Variants in APC observed in about 807,000 individuals in gnomAD.
The protein encoded by APC is adenomatous polyposis coli protein.
A neutral mutation model predicts 247.0 loss-of-function variants in APC; 72 were observed. The observed-to-expected ratio is 0.29, with a 90% CI of 0.24 to 0.35. APC has a LOEUF of 0.35. Among genes scored for constraint, APC ranks in the 10% least tolerant of loss-of-function variants. APC has a pLI of 1.00. For missense variants in APC, 3,400 were observed against 3,360.7 expected, an observed-to-expected ratio of 1.01 and a Z score of -0.29; for synonymous variants, 1,254 against 1,162.5, an observed-to-expected ratio of 1.08 and a Z score of -1.60.
chr5:112,710,945 C>T (rs539706850), intron 1 of APC, among the ~76,000 whole-genome samples: 1 of 152,310 alleles, frequency 6.6e-6, no homozygotes, highest in East Asian at 1.9e-4. Flanking sequence ...GCTTTGCACT[C>T]GTACTGCCTT....
chr5:112,758,101 G>A (rs895144018), intron 2 of APC, among the ~76,000 whole-genome samples: 4 of 152,076 alleles, frequency 2.6e-5, no homozygotes, highest in Admixed American at 2.6e-4. Flanking sequence ...ATTGATGTGG[G>A]ATATGAAGGT....
At chr5:112,769,049 T>TC (rs1756712075) in intron 4 of APC, among the ~76,000 whole-genome samples, 2 of 118,404 alleles carry the variant, frequency 1.7e-5, no homozygotes, top group African/African-American at 6.2e-5. Flanking sequence ...TTTTTTTTCT[T>TC]CTTTTTTTTT....
chr5:112,812,159 G>C (rs1762050800), intron 8 of APC, among the ~76,000 whole-genome samples: 1 of 152,134 alleles, frequency 6.6e-6, no homozygotes, highest in Non-Finnish European at 1.5e-5. Context: ...TTATTCACTA[G>C]AAGCAAGTCA....
intron 7 of APC, among the ~76,000 whole-genome samples, chr5:112,793,170 G>C (rs1759833365): frequency 6.6e-6 from 1 of 152,104 alleles, no homozygotes; most frequent in East Asian, 1.9e-4. Context: ...TGTACAGCTA[G>C]GTGACTGCTC....
At chr5:112,738,484 TGTTG>T (rs1752595295) in intron 1 of APC, 1 of 985,602 alleles carries the variant, frequency 1.0e-6, no homozygotes, top group Non-Finnish European at 1.2e-6. Flanking sequence ...TGAGTGGTGG[TGTTG>T]GTTGGTGAAA....
intron 1 of APC, chr5:112,707,991 C>A: frequency 9.0e-7 from 1 of 1,115,930 alleles, no homozygotes; most frequent in Non-Finnish European, 1.2e-6. Context: ...TGGCTCTCTT[C>A]TCTCCATGTC....
chr5:112,833,590 C>G (rs1449082736), intron 14 of APC, among the ~76,000 whole-genome samples: 1 of 152,182 alleles, frequency 6.6e-6, no homozygotes, highest in Non-Finnish European at 1.5e-5. Flanking sequence ...TCCCAAAGTG[C>G]TGGGCCTGAA....
At chr5:112,767,510 AT>A in intron 4 of APC, 120 bp downstream of exon 4, 1 of 771,890 alleles carries the variant, frequency 1.3e-6, no homozygotes, top group South Asian at 1.9e-5. Flanking sequence ...AGCATTTTGC[AT>A]TTTTAAACTC....
chr5:112,774,594 G>A (rs979333240), intron 4 of APC, among the ~76,000 whole-genome samples: 1 of 151,252 alleles, frequency 6.6e-6, no homozygotes, highest in African/African-American at 2.4e-5. Flanking sequence ...CCAAGTAGCT[G>A]GGACTACAGG....
At chr5:112,808,324 C>T (rs1053581489) in intron 8 of APC, among the ~76,000 whole-genome samples, 1 of 152,124 alleles carries the variant, frequency 6.6e-6, no homozygotes, top group African/African-American at 2.4e-5. Flanking sequence ...CAGATAAGGT[C>T]CATGAATAGG....
intron 14 of APC, among the ~76,000 whole-genome samples, chr5:112,831,715 G>A (rs1764323152): frequency 6.6e-6 from 1 of 152,004 alleles, no homozygotes; most frequent in Non-Finnish European, 1.5e-5. Context: ...AAAGCTGTTG[G>A]TCCCTTACTC....
chr5:112,841,205 G>T lies in APC; in HGVS notation c.5611G>T (p.Asp1871Tyr), dbSNP rs538571038. 11 of 1,613,926 alleles carry T rather than the reference G, an allele frequency of 6.8e-6. No homozygotes were observed. In the South Asian group the frequency reaches 1.1e-4, roughly 16 times the overall value. Residue 1871 changes from aspartate to tyrosine, a missense_variant, in exon 16 of 16, where the codon GAT (aspartate) becomes TAT (tyrosine). Asp to Tyr is a radical substitution (Grantham distance 160). Coordinates refer to ENST00000257430, the MANE Select transcript of APC (RefSeq NM_000038.6). This position sits in a 1 kb window ranked among gnomAD's most constrained non-coding sequence, Gnocchi z 4.6. ...GAGTTCTCTAGATTTTGATGATGAT[G>T]ATGTTGACCTTTCCAGGGAAAAGGC... ...SLSSLDFDDD[D>Y]VDLSREKAEL...
At chr5:112,799,563 TA>T (rs1435622547) in intron 7 of APC, among the ~76,000 whole-genome samples, 7 of 152,262 alleles carry the variant, frequency 4.6e-5, no homozygotes, top group African/African-American at 1.7e-4. Context: ...CCTCCCTACT[TA>T]GACCATTTAA....
At chr5:112,726,894 G>A (rs548012427) in intron 1 of APC, among the ~76,000 whole-genome samples, 37 of 152,204 alleles carry the variant, frequency 2.4e-4, no homozygotes, top group Admixed American at 1.8e-3. Context: ...TTGAAAAAGG[G>A]AATTACATTT....
At chr5:112,756,996 C>T (rs1755056228) in intron 2 of APC, among the ~76,000 whole-genome samples, 1 of 152,132 alleles carries the variant, frequency 6.6e-6, no homozygotes, top group Non-Finnish European at 1.5e-5. Context: ...TCAGAAAGCT[C>T]AAGACTTTGG....
chr5:112,807,190 C>T (rs1277371336), intron 8 of APC, among the ~76,000 whole-genome samples: 4 of 151,172 alleles, frequency 2.6e-5, no homozygotes, highest in Non-Finnish European at 4.4e-5. Context: ...GCGTGCACCA[C>T]CATGCCCAGC....
chr5:112,809,508 G>A (rs1346920487), intron 8 of APC, among the ~76,000 whole-genome samples: 1 of 151,154 alleles, frequency 6.6e-6, no homozygotes, highest in Non-Finnish European at 1.5e-5. Context: ...AAATTCCAAA[G>A]CAGTAGAATA....
chr5:112,785,094 A>G (rs1396869446), intron 6 of APC, among the ~76,000 whole-genome samples: 3 of 152,276 alleles, frequency 2.0e-5, no homozygotes, highest in East Asian at 3.9e-4. Context: ...TGAGGTAATC[A>G]TTGTTGCTAT....
At chr5:112,787,595 T>G (rs1365549442) in intron 6 of APC, among the ~76,000 whole-genome samples, 2 of 152,212 alleles carry the variant, frequency 1.3e-5, no homozygotes, top group African/African-American at 2.4e-5. Flanking sequence ...GGGGTTTTCT[T>G]TCTAAGTTAC....
Sources: allele counts gnomAD v4.1 joint callset (sites outside exome capture counted in the v4.1 genomes callset), GRCh38; gene constraint gnomAD v4.1.1; non-coding constraint Gnocchi (gnomAD v3.1); transcripts MANE v1.5; gene names NCBI Gene and HGNC (gene_info 2026-07-23, HGNC 2026-07-21).